Variants in ACTR3B observed in about 807,000 individuals in gnomAD.
ACTR3B encodes the protein actin related protein 3B.
ACTR3B carries 8 observed loss-of-function variants against 59.0 expected under a neutral mutation model. The observed-to-expected ratio is 0.14, with a 90% confidence interval of 0.08 to 0.24. ACTR3B has a LOEUF of 0.24. Ranked by LOEUF, ACTR3B falls within the 10% of genes least tolerant of loss-of-function variation. The pLI is 1.00. For missense variants in ACTR3B, 245 were observed against 552.3 expected (o/e 0.44, Z 5.58); for synonymous variants, 148 against 197.9 (o/e 0.75, Z 2.12).
chr7:152,821,615 T>G (rs1796165044), intron 7 of ACTR3B, among the ~76,000 whole-genome samples: 1 of 152,182 alleles, frequency 6.6e-6, no homozygotes, highest in Admixed American at 6.5e-5. Context: ...GGCCTTCAAC[T>G]CTCCACACGG....
chr7:152,779,631 T>C (rs1448975873), intron 1 of ACTR3B, among the ~76,000 whole-genome samples: 2 of 152,212 alleles, frequency 1.3e-5, no homozygotes, highest in Non-Finnish European at 2.9e-5. Flanking sequence ...TTTGTTTTTT[T>C]GGTCCTGCTC....
At chr7:152,778,517 G>T (rs2098141872) in intron 1 of ACTR3B, among the ~76,000 whole-genome samples, 1 of 152,072 alleles carries the variant, frequency 6.6e-6, no homozygotes, top group East Asian at 1.9e-4. Context: ...GATTACAGGT[G>T]TGAGCCACTG....
intron 6 of ACTR3B, among the ~76,000 whole-genome samples, chr7:152,818,487 GT>G (rs909622030): frequency 1.5e-4 from 22 of 151,522 alleles, no homozygotes; most frequent in African/African-American, 5.3e-4. Flanking sequence ...TTTCACTCTT[GT>G]TGTCCAGGCT....
At chr7:152,800,379 A>T (rs1373974893) in intron 2 of ACTR3B, 152 bp from the exon 3 acceptor site, 838 of 1,064,374 alleles carry the variant, frequency 7.9e-4, no homozygotes, top group Non-Finnish European at 1.0e-3. Context: ...TTATGTACTC[A>T]TTGACATTGT....
chr7:152,803,821 T>C (rs1464411937), intron 4 of ACTR3B, among the ~76,000 whole-genome samples: 7 of 152,174 alleles, frequency 4.6e-5, no homozygotes, highest in Non-Finnish European at 1.0e-4. Context: ...TAAGAAAATA[T>C]CGTATTACAT....
chr7:152,805,921 C>G (rs1300381447), intron 4 of ACTR3B, among the ~76,000 whole-genome samples: 1 of 151,940 alleles, frequency 6.6e-6, no homozygotes, highest in Non-Finnish European at 1.5e-5. Flanking sequence ...AATTTTCTGT[C>G]TTTATCCAGA....
chr7:152,814,719 G>T (rs1351094586), intron 5 of ACTR3B, 74 bp downstream of exon 5: 1 of 1,225,850 alleles, frequency 8.2e-7, no homozygotes, highest in Non-Finnish European at 1.2e-6. Flanking sequence ...ATTTCCCAAG[G>T]TTCTCCGCTG....
Position 152,854,576 on chromosome 7 carries a change from G to A in ACTR3B, c.*23G>A, listed in dbSNP as rs1480197469. On this transcript the variant is annotated 3_prime_UTR_variant, in exon 12 of 12. Coordinates refer to ENST00000256001, the MANE Select transcript of ACTR3B (RefSeq NM_020445.6). The surrounding 1 kb of genome is among the most constrained non-coding windows in gnomAD (Gnocchi z 4.9). Reference sequence around the variant, plus strand: ...TAGTGTCTGCCTGAACGCGTCGTTCGATGGTGTCACGTTGGGGAACAAGTG... The same window carrying A: ...TAGTGTCTGCCTGAACGCGTCGTTCAATGGTGTCACGTTGGGGAACAAGTG... The A allele has an allele frequency of 5.6e-6, 9 of 1,608,408 alleles. No individual in the cohort carries two copies. The highest frequency in any genetic ancestry group is 3.3e-5 in the South Asian group (3 of 90,936).
intron 6 of ACTR3B, 31 bp from the exon 7 acceptor site, chr7:152,820,268 C>T (rs773814535): frequency 7.0e-6 from 11 of 1,574,164 alleles, no homozygotes; most frequent in South Asian, 2.4e-5. Context: ...AAATCACTAA[C>T]ACAGCTGTTC....
In ACTR3B at chr7:152,853,352, C is replaced by T. The variant is rs989164732; in HGVS notation, c.1078-142C>T. The stretch of plus-strand genomic sequence containing the variant: ...GGATTTGGCAGCAGGGGCGGAGAGT[C>T]ACTGAGTGCTGGGTGTGAGGTGGTG... On this transcript the variant is annotated intron_variant, in intron 10 of 11. Coordinates refer to ENST00000256001, the MANE Select transcript of ACTR3B (RefSeq NM_020445.6). 20 of 686,440 alleles carry T rather than the reference C, an allele frequency of 2.9e-5. No individual in the cohort carries two copies. The Admixed American group carries it at 4.0e-4, about 14-fold the overall frequency. 42.5% of individuals were successfully genotyped at this position (686,440 alleles called of 1,614,324 possible). A position where few individuals can be genotyped will look rare whatever the true frequency, so the allele number is the denominator to read the frequency against.
chr7:152,781,769 C>G (rs1183879501), intron 1 of ACTR3B, among the ~76,000 whole-genome samples: 1 of 152,154 alleles, frequency 6.6e-6, no homozygotes, highest in East Asian at 1.9e-4. Context: ...TGCCTCCACC[C>G]TGGGTTGGCT....
At chr7:152,762,385 T>C (rs967879592) in intron 1 of ACTR3B, among the ~76,000 whole-genome samples, 4 of 152,252 alleles carry the variant, frequency 2.6e-5, no homozygotes, top group African/African-American at 9.6e-5. Flanking sequence ...TCAAATCTAC[T>C]GAAAGCTGGA....
chr7:152,817,114 G>A (rs1323217444), intron 6 of ACTR3B, among the ~76,000 whole-genome samples: 1 of 151,854 alleles, frequency 6.6e-6, no homozygotes, highest in Non-Finnish European at 1.5e-5. Context: ...GCTGGGCGCG[G>A]TGGCTCACGC....
chr7:152,814,738 C>T (rs547318448), intron 5 of ACTR3B, 93 bp downstream of exon 5: 26 of 957,670 alleles, frequency 2.7e-5, no homozygotes, highest in African/African-American at 5.0e-5. Flanking sequence ...TGGAAGACTG[C>T]GCTGTGTGCC....
chr7:152,791,626 A>T (rs1590265556), intron 2 of ACTR3B, among the ~76,000 whole-genome samples: 1 of 152,174 alleles, frequency 6.6e-6, no homozygotes, highest in South Asian at 2.1e-4. Context: ...GTATAGTTCT[A>T]TGTCATTGTA....
At chr7:152,819,715 G>A (rs1302504635) in intron 6 of ACTR3B, among the ~76,000 whole-genome samples, 6 of 151,960 alleles carry the variant, frequency 3.9e-5, no homozygotes, top group African/African-American at 1.5e-4. Flanking sequence ...CTGTGTGCTC[G>A]ACACACGCAG....
At chr7:152,822,843 A>G (rs1388800352) in intron 7 of ACTR3B, among the ~76,000 whole-genome samples, 2 of 152,370 alleles carry the variant, frequency 1.3e-5, no homozygotes, top group East Asian at 3.9e-4. Flanking sequence ...CAGCAGGTTG[A>G]CAGTGGCCAC....
chr7:152,806,189 T>C (rs1189039137), intron 4 of ACTR3B, among the ~76,000 whole-genome samples: 4 of 152,230 alleles, frequency 2.6e-5, no homozygotes, highest in Non-Finnish European at 5.9e-5. Context: ...AGTTTGAGAA[T>C]AATACATTTG....
At chr7:152,788,305 A>G (rs1253070933) in intron 2 of ACTR3B, among the ~76,000 whole-genome samples, 2 of 152,050 alleles carry the variant, frequency 1.3e-5, no homozygotes, top group African/African-American at 4.8e-5. Flanking sequence ...GTCAAATTTG[A>G]CTTTCATGGA....
Sources: gnomAD v4.1 joint callset for allele counts (sites outside exome capture counted in the v4.1 genomes callset) on GRCh38, gnomAD v4.1.1 for gene constraint, Gnocchi (gnomAD v3.1) non-coding constraint, MANE v1.5 for transcripts, NCBI Gene and HGNC (gene_info 2026-07-23, HGNC 2026-07-21) for gene names.